SNX5: variants seen among roughly 807,000 people sequenced by gnomAD.
SNX5 encodes the protein sorting nexin-5.
SNX5 carries 31 observed loss-of-function variants against 53.9 expected under a neutral mutation model. The observed-to-expected ratio is 0.58, with a 90% CI of 0.43 to 0.78. The LOEUF is 0.78. SNX5 is among the 30% of genes least tolerant of loss of function. The pLI is 0.00. For missense variants in SNX5, 471 were observed against 478.8 expected (o/e 0.98, Z 0.15); for synonymous variants, 168 against 171.1 (o/e 0.98, Z 0.14).
intron 1 of SNX5, chr20:17,961,921 T>C (rs2035458805): frequency 2.0e-6 from 2 of 984,562 alleles, no homozygotes; most frequent in African/African-American, 3.5e-5. Flanking sequence ...AGTGAGAATA[T>C]AAAATTCAAA....
At chr20:17,957,284 A>C (rs1169259168) in intron 1 of SNX5, among the ~76,000 whole-genome samples, 1 of 151,864 alleles carries the variant, frequency 6.6e-6, no homozygotes, top group African/African-American at 2.4e-5. Flanking sequence ...AAATACAAAA[A>C]ATTAGCTAAG....
In SNX5 at chr20:17,968,679, A is replaced by C. The variant is rs943517724; in HGVS notation, c.-254T>G. ...CTGCCGTCCATCTTGGAGCCGGGCA[A>C]AGACGCCACGTGGGGCCTACCCTTG... On this transcript the variant is annotated 5_prime_UTR_variant, in exon 1 of 13. Coordinates refer to ENST00000377759, the MANE Select transcript of SNX5 (RefSeq NM_014426.4). The C allele has an allele frequency of 3.5e-6, 2 of 576,766 alleles. No homozygotes were observed. The highest frequency in any genetic ancestry group is 3.2e-6 in the Non-Finnish European group (1 of 316,450). 35.7% of individuals were successfully genotyped at this position (576,766 alleles called of 1,614,324 possible).
chr20:17,947,205 A>G, intron 11 of SNX5: 1 of 347,284 alleles, frequency 2.9e-6, no homozygotes, highest in Non-Finnish European at 5.3e-6. Context: ...ATACAAGAGA[A>G]TGTCTTCAGT....
In SNX5 at chr20:17,953,602, G is replaced by A. The variant is rs958756595; in HGVS notation, c.389+394C>T. 1.2e-3 allele frequency among the ~76,000 whole-genome samples: 184 copies of A among 152,262 alleles called. 1 individual carries two copies. The highest frequency in any genetic ancestry group is 8.8e-5 in the Non-Finnish European group (6 of 68,014). On this transcript the variant is annotated intron_variant, in intron 4 of 12. Coordinates refer to ENST00000377759, the MANE Select transcript of SNX5 (RefSeq NM_014426.4). The stretch of plus-strand genomic sequence containing the variant: ...GAGACCAGCCGGGGCAACACATGAC[G>A]AAACCCCCAACTCTCTAGTTTCTTC...
chr20:17,956,673 CAAAAAAAAAAAAAAAAA>C (rs59252584), intron 2 of SNX5, among the ~76,000 whole-genome samples: 4 of 84,884 alleles, frequency 4.7e-5, no homozygotes, highest in South Asian at 4.0e-4. Flanking sequence ...AGACTGTCTC[CAAAAAAAAAAAAAAAAA>C]AAAAAAAAAA....
chr20:17,968,230 G>C (rs1462525131), intron 1 of SNX5, 145 bp downstream of exon 1: 2 of 566,198 alleles, frequency 3.5e-6, no homozygotes, highest in Non-Finnish European at 5.3e-6. Context: ...ACCAGGGAGA[G>C]GGGCCGCCCG....
chr20:17,950,247 C>T (rs1297952540), intron 7 of SNX5, 40 bp from the exon 8 acceptor site: 5 of 1,612,254 alleles, frequency 3.1e-6, no homozygotes, highest in Non-Finnish European at 4.2e-6. Context: ...CAAACACAGC[C>T]AGGCTCATCA....
At chr20:17,944,294 T>C (rs540390969) in intron 11 of SNX5, 1 of 152,286 alleles carries the variant, frequency 6.6e-6, no homozygotes, top group Middle Eastern at 3.4e-3. Context: ...GTCAATAATA[T>C]ATATTGAAAC....
intron 11 of SNX5, among the ~76,000 whole-genome samples, chr20:17,946,239 C>T (rs1237698111): frequency 1.3e-5 from 2 of 152,228 alleles, no homozygotes; most frequent in Non-Finnish European, 2.9e-5. Context: ...TGTGTGCACA[C>T]ACACATACAT....
At position 17,949,054 on chromosome 20, in the gene SNX5, A is replaced by T; in HGVS notation, c.831+10T>A. ...ATATATATTATGAAGACCAACACAGAAATCCTTACCCTTAGTTTTTCAAAT... is the reference window on the plus strand; with the variant it reads ...ATATATATTATGAAGACCAACACAGTAATCCTTACCCTTAGTTTTTCAAAT... On this transcript the variant is annotated intron_variant, in intron 9 of 12. Transcript: ENST00000377759. 6.2e-7 allele frequency: 1 copy of T among 1,612,166 alleles called. No individual in the cohort carries two copies. The highest frequency in any genetic ancestry group is 1.3e-5 in the African/African-American group (1 of 74,988).
chr20:17,955,985 A>C (rs2035346732), intron 2 of SNX5, among the ~76,000 whole-genome samples: 1 of 152,132 alleles, frequency 6.6e-6, no homozygotes, highest in African/African-American at 2.4e-5. Flanking sequence ...TGGAAGAGAC[A>C]GGTTTTTGCC....
intron 8 of SNX5, 98 bp downstream of exon 8, chr20:17,950,034 G>T: frequency 9.9e-7 from 1 of 1,007,408 alleles, no homozygotes; most frequent in Non-Finnish European, 1.5e-6. Flanking sequence ...TGTAACTCCA[G>T]AGCAGGACCA....
intron 3 of SNX5, 47 bp downstream of exon 3, chr20:17,955,318 T>C (rs773262509): frequency 2.0e-5 from 28 of 1,399,346 alleles, no homozygotes; most frequent in Non-Finnish European, 2.4e-5. Flanking sequence ...AACTAATGCA[T>C]AGCAAGGCAG....
intron 2 of SNX5, among the ~76,000 whole-genome samples, chr20:17,956,697 AAAAAAAAC>A (rs1568594152): frequency 1.2e-4 from 15 of 126,648 alleles, no homozygotes; most frequent in South Asian, 2.6e-4. Context: ...AAAAAAAAAA[AAAAAAAAC>A]AAAAAAACAA....
chr20:17,951,410 T>C, intron 6 of SNX5, 90 bp downstream of exon 6: 2 of 773,044 alleles, frequency 2.6e-6, no homozygotes, highest in Non-Finnish European at 4.5e-6. Flanking sequence ...AGTTAACCAT[T>C]TGTTTCACAA....
intron 11 of SNX5, 141 bp from the exon 12 acceptor site, chr20:17,943,336 T>C (rs2039442820): frequency 1.5e-6 from 1 of 667,472 alleles, no homozygotes; most frequent in Non-Finnish European, 2.7e-6. Flanking sequence ...GTATTATCTC[T>C]GTGACTGGGA....
At chr20:17,957,156 C>T (rs1019583605) in intron 1 of SNX5, 119 bp from the exon 2 acceptor site, 16 of 686,842 alleles carry the variant, frequency 2.3e-5, no homozygotes, top group Non-Finnish European at 3.7e-5. Flanking sequence ...GTCAGTTGAG[C>T]TGGGCGCGGC....
intron 11 of SNX5, 185 bp from the exon 12 acceptor site, chr20:17,943,380 C>G (rs2084546561): frequency 3.5e-6 from 2 of 563,496 alleles, no homozygotes; most frequent in African/African-American, 3.8e-5. Context: ...GGTGATACAG[C>G]TATCACTGTC....
At chr20:17,961,988 T>C (rs553290939) in intron 1 of SNX5, 309 of 976,614 alleles carry the variant, frequency 3.2e-4, no homozygotes, top group Non-Finnish European at 3.7e-4. Flanking sequence ...AAGATTCACA[T>C]GATACATATT....
Sources: gnomAD v4.1 joint callset for allele counts (sites outside exome capture counted in the v4.1 genomes callset) on GRCh38, gnomAD v4.1.1 for gene constraint, MANE v1.5 for transcripts, NCBI Gene and HGNC (gene_info 2026-07-23, HGNC 2026-07-21) for gene names.